SLC24A2: variants seen among roughly 807,000 people sequenced by gnomAD.
The protein encoded by SLC24A2 is sodium/potassium/calcium exchanger 2.
A neutral mutation model predicts 62.0 loss-of-function variants in SLC24A2; 36 were observed. The observed-to-expected ratio is 0.58, with a 90% CI of 0.44 to 0.77. The LOEUF (loss-of-function observed/expected upper bound fraction) is 0.77. Ranked by LOEUF, SLC24A2 falls within the 30% of genes least tolerant of loss-of-function variation. The pLI, the probability that SLC24A2 is intolerant of heterozygous loss-of-function variation, is 0.00. For synonymous variants in SLC24A2, 358 were observed against 294.0 expected, an observed-to-expected ratio of 1.22 and a Z score of -2.23; for missense variants, 846 against 817.9, an observed-to-expected ratio of 1.03 and a Z score of -0.42.
At chr9:20,227,827 C>A in the SLC24A2 span, among the ~76,000 whole-genome samples, 1 of 152,312 alleles carries the variant, frequency 6.6e-6, no homozygotes, top group Non-Finnish European at 1.5e-5. Context: ...CATCTCCCAA[C>A]AACTACCAGT....
chr9:19,929,847 C>T, the SLC24A2 span: 3 of 152,006 alleles, frequency 2.0e-5, no homozygotes, highest in African/African-American at 7.3e-5. Flanking sequence ...GCTCCTGACC[C>T]TGTGTAGGCT....
the SLC24A2 span, among the ~76,000 whole-genome samples, chr9:19,964,659 T>C: frequency 6.6e-6 from 1 of 152,148 alleles, no homozygotes; most frequent in African/African-American, 2.4e-5. Context: ...TCTATGTTTC[T>C]AGGCTGGGTG....
At chr9:20,126,365 A>C in the SLC24A2 span, among the ~76,000 whole-genome samples, 1 of 151,830 alleles carries the variant, frequency 6.6e-6, no homozygotes, top group Non-Finnish European at 1.5e-5. Context: ...TGACTTACTG[A>C]CTTTTAGATT....
At chr9:20,104,778 G>A in the SLC24A2 span, among the ~76,000 whole-genome samples, 1 of 152,206 alleles carries the variant, frequency 6.6e-6, no homozygotes, top group East Asian at 1.9e-4. Context: ...AGGCTAGGAA[G>A]AAACTGCATC....
the SLC24A2 span, among the ~76,000 whole-genome samples, chr9:20,097,741 T>A: frequency 1.2e-5 from 1 of 86,942 alleles, no homozygotes; most frequent in Non-Finnish European, 2.3e-5. Context: ...TTTTTTTTTT[T>A]TTTTTTTTTT....
At chr9:19,782,342 CTA>C (rs1400805738) in intron 2 of SLC24A2, among the ~76,000 whole-genome samples, 3 of 152,154 alleles carry the variant, frequency 2.0e-5, no homozygotes, top group Non-Finnish European at 4.4e-5. Context: ...CCCCAAACAT[CTA>C]TAAATAAAAA....
chr9:20,286,068 G>A, the SLC24A2 span, among the ~76,000 whole-genome samples: 2 of 152,208 alleles, frequency 1.3e-5, no homozygotes, highest in Non-Finnish European at 2.9e-5. Context: ...AGAGAAAACA[G>A]CTTTCCTGTT....
the SLC24A2 span, among the ~76,000 whole-genome samples, chr9:20,117,528 T>C: frequency 6.6e-6 from 1 of 152,152 alleles, no homozygotes; most frequent in Non-Finnish European, 1.5e-5. Context: ...TTCACCTTTT[T>C]AAAGTGTCTA....
At chr9:20,042,704 T>C in the SLC24A2 span, among the ~76,000 whole-genome samples, 1 of 152,238 alleles carries the variant, frequency 6.6e-6, no homozygotes, top group Non-Finnish European at 1.5e-5. Flanking sequence ...TTTTTACAAA[T>C]TGAAGGTTTG....
At chr9:20,144,970 G>A in the SLC24A2 span, among the ~76,000 whole-genome samples, 1 of 152,128 alleles carries the variant, frequency 6.6e-6, no homozygotes, top group Admixed American at 6.6e-5. Context: ...AGACTTTTGA[G>A]TTTAAAGATG....
chr9:19,584,485 A>C (rs1836305826), intron 5 of SLC24A2, among the ~76,000 whole-genome samples: 1 of 152,120 alleles, frequency 6.6e-6, no homozygotes, highest in Non-Finnish European at 1.5e-5. Flanking sequence ...AGGCCCAGAG[A>C]ATAAGAGTGA....
At chr9:20,011,047 T>G in the SLC24A2 span, among the ~76,000 whole-genome samples, 1 of 152,126 alleles carries the variant, frequency 6.6e-6, no homozygotes, top group Non-Finnish European at 1.5e-5. Flanking sequence ...CTTTGCTATT[T>G]TGAATAGTGC....
At chr9:19,987,464 T>C in the SLC24A2 span, among the ~76,000 whole-genome samples, 1 of 152,164 alleles carries the variant, frequency 6.6e-6, no homozygotes, top group African/African-American at 2.4e-5. Flanking sequence ...TTATATAATA[T>C]TAAGGATTCA....
chr9:20,086,014 C>A, the SLC24A2 span, among the ~76,000 whole-genome samples: 2 of 152,174 alleles, frequency 1.3e-5, no homozygotes. Flanking sequence ...ATGCTCCCTG[C>A]AAATTGCACA....
intron 8 of SLC24A2, among the ~76,000 whole-genome samples, chr9:19,536,301 C>A (rs1046625687): frequency 6.6e-6 from 1 of 150,394 alleles, no homozygotes; most frequent in African/African-American, 2.5e-5. Context: ...GCTGCACCCA[C>A]TAACGTGTCA....
the SLC24A2 span, among the ~76,000 whole-genome samples, chr9:19,884,978 A>G: frequency 1.3e-5 from 2 of 152,192 alleles, no homozygotes; most frequent in Non-Finnish European, 2.9e-5. Flanking sequence ...CTGTATTCTT[A>G]CAGAGTGGAC....
the SLC24A2 span, among the ~76,000 whole-genome samples, chr9:20,254,378 G>C: frequency 2.0e-5 from 3 of 152,192 alleles, no homozygotes; most frequent in Admixed American, 2.0e-4. Flanking sequence ...GCCAGGCTCT[G>C]TGCTAGGAGC....
intron 2 of SLC24A2, among the ~76,000 whole-genome samples, chr9:19,715,164 C>G (rs564196452): frequency 6.6e-6 from 1 of 152,210 alleles, no homozygotes; most frequent in East Asian, 1.9e-4. Flanking sequence ...CAATGTCAAG[C>G]TTTGAACAGA....
chr9:19,883,602 G>C, the SLC24A2 span, among the ~76,000 whole-genome samples: 3 of 147,618 alleles, frequency 2.0e-5, no homozygotes, highest in African/African-American at 7.5e-5. Context: ...GTCTTGCTCT[G>C]TCGCCCAGGC....
Sources: gnomAD v4.1 joint callset for allele counts (sites outside exome capture counted in the v4.1 genomes callset) on GRCh38, gnomAD v4.1.1 for gene constraint, MANE v1.5 for transcripts, NCBI Gene and HGNC (gene_info 2026-07-23, HGNC 2026-07-21) for gene names.